The following GRM3 variants were observed in gnomAD, a reference collection of about 807,000 sequenced individuals.
The protein encoded by GRM3 is glutamate metabotropic receptor 3, also known as metabotropic glutamate receptor 3.
A neutral mutation model predicts 70.5 loss-of-function variants in GRM3; 26 were observed. The observed-to-expected ratio is 0.37, with a 90% CI of 0.27 to 0.51. The LOEUF (loss-of-function observed/expected upper bound fraction) is 0.51. Ranked by LOEUF, GRM3 falls within the 20% of genes least tolerant of loss-of-function variation. The pLI, the probability that GRM3 is intolerant of heterozygous loss-of-function variation, is 0.93. For missense variants in GRM3, 859 were observed against 1,123.8 expected (o/e 0.76, Z 3.37); for synonymous variants, 443 against 434.9 (o/e 1.02, Z -0.23).
chr7:86,746,324 A>T (rs1796100304), intron 1 of GRM3, among the ~76,000 whole-genome samples: 1 of 116,320 alleles, frequency 8.6e-6, no homozygotes, highest in Admixed American at 9.1e-5. Flanking sequence ...TATGACTAAT[A>T]GAGGGTCAGT....
At chr7:86,769,735 T>C (rs553517493) in intron 2 of GRM3, among the ~76,000 whole-genome samples, 1 of 152,290 alleles carries the variant, frequency 6.6e-6, no homozygotes, top group Non-Finnish European at 1.5e-5. Context: ...TGGATAATTA[T>C]TTTCCCAATG....
At chr7:86,863,600 G>T (rs575045081) in intron 5 of GRM3, among the ~76,000 whole-genome samples, 1 of 152,140 alleles carries the variant, frequency 6.6e-6, no homozygotes, top group Non-Finnish European at 1.5e-5. Context: ...TTTTACTGAG[G>T]TTATCCACTT....
rs188388863 is a variant in GRM3 at position 86,766,912 on chromosome 7, T to G, written c.468+1299T>G. 2.8e-3 allele frequency among the ~76,000 whole-genome samples: 424 copies of G among 152,252 alleles called. 1 individual carries two copies. The highest frequency in any genetic ancestry group is 0.014 in the Middle Eastern group (4 of 294). On this transcript the variant is annotated intron_variant, in intron 2 of 5. Transcript: ENST00000361669. ...TTTCTCTATCTCACATTTGTGGCAC[T>G]TAAAATTCTAGGTATAGGCCAGGTG...
At chr7:86,771,735 T>G (rs565657423) in intron 2 of GRM3, among the ~76,000 whole-genome samples, 37 of 152,164 alleles carry the variant, frequency 2.4e-4, no homozygotes, top group African/African-American at 8.4e-4. Context: ...TGAGTATCAA[T>G]TGGCAACATA....
chr7:86,674,102 G>A (rs1794243507), intron 1 of GRM3, among the ~76,000 whole-genome samples: 1 of 152,056 alleles, frequency 6.6e-6, no homozygotes. Flanking sequence ...TCTTCCTCAT[G>A]GTTTCTAATG....
intron 1 of GRM3, among the ~76,000 whole-genome samples, chr7:86,711,359 T>A (rs193098303): frequency 9.2e-4 from 140 of 152,194 alleles, no homozygotes; most frequent in African/African-American, 3.3e-3. Context: ...TATGTATGCA[T>A]ATATTAGGCC....
At chr7:86,827,375 A>T (rs920930537) in intron 3 of GRM3, among the ~76,000 whole-genome samples, 4 of 152,234 alleles carry the variant, frequency 2.6e-5, no homozygotes, top group African/African-American at 9.6e-5. Context: ...TAAAGACTGT[A>T]CTGGGCATTA....
At position 86,655,853 on chromosome 7, in the gene GRM3, G is replaced by GTGTGTGTGTGT. The variant is rs1562814701; in HGVS notation, c.-141+10981_-141+10982insTGTGTGTGTGT. Among the ~76,000 whole-genome samples the GTGTGTGTGTGT allele has an allele frequency of 7.9e-4, 106 of 134,724 alleles. No individual in the cohort carries two copies. In the East Asian group the frequency reaches 8.1e-3, roughly 10 times the overall value. 88.4% of individuals were successfully genotyped at this position (134,724 alleles called of 152,430 possible). A position where few individuals can be genotyped will look rare whatever the true frequency, so the allele number is the denominator to read the frequency against. ...GTGTGTGTGTGTGTGTGTGTGTGTG[G>GTGTGTGTGTGT]GTGGGTGGGTGTGTGTGTATGTGTG... On this transcript the variant is annotated intron_variant, in intron 1 of 5. Transcript: ENST00000361669.
chr7:86,772,922 T>C (rs774180804), intron 2 of GRM3, among the ~76,000 whole-genome samples: 1 of 152,158 alleles, frequency 6.6e-6, no homozygotes, highest in African/African-American at 2.4e-5. Context: ...ATTAAAACTC[T>C]GTGCAGACTG....
chr7:86,831,839 C>T (rs1798359650), intron 3 of GRM3, among the ~76,000 whole-genome samples: 1 of 132,326 alleles, frequency 7.6e-6, no homozygotes, highest in Non-Finnish European at 1.6e-5. Context: ...TTTTCTCAAA[C>T]ATTCACTTTC....
chr7:86,685,593 T>C (rs1370622809), intron 1 of GRM3, among the ~76,000 whole-genome samples: 1 of 152,072 alleles, frequency 6.6e-6, no homozygotes, highest in Non-Finnish European at 1.5e-5. Flanking sequence ...TTCTCCTTTC[T>C]CAGTTTCCTT....
chr7:86,765,463 G>T lies in GRM3; in HGVS notation c.318G>T (p.Leu106Phe). 6.2e-7 allele frequency: 1 copy of T among 1,613,910 alleles called. No homozygotes were observed. The highest frequency in any genetic ancestry group is 8.5e-7 in the Non-Finnish European group (1 of 1,179,874). The change falls in exon 2 of 6, where the codon TTG (leucine) becomes TTT (phenylalanine). Residue 106 changes from leucine (L) to phenylalanine (F), a missense_variant. By Grantham distance (22) the Leu-to-Phe change is conservative. Coordinates refer to ENST00000361669, the MANE Select transcript of GRM3 (RefSeq NM_000840.3). ...CATGTTCAAGGGATACCTATGCATTGGAGCAATCACTGGAGTTTGTCAGGG... is the reference window on the plus strand; with the variant it reads ...CATGTTCAAGGGATACCTATGCATTTGAGCAATCACTGGAGTTTGTCAGGG... ...LDTCSRDTYALEQSLEFVRAS... is the reference protein window; with the variant it reads ...LDTCSRDTYAFEQSLEFVRAS...
At chr7:86,740,701 A>T (rs888543080) in intron 1 of GRM3, among the ~76,000 whole-genome samples, 1 of 152,220 alleles carries the variant, frequency 6.6e-6, no homozygotes, top group Non-Finnish European at 1.5e-5. Flanking sequence ...AGACCCTCTT[A>T]AAAATTCTCG....
At chr7:86,651,116 C>T (rs1248471022) in intron 1 of GRM3, among the ~76,000 whole-genome samples, 3 of 152,196 alleles carry the variant, frequency 2.0e-5, no homozygotes, top group African/African-American at 7.2e-5. Context: ...GGAAAACCCA[C>T]ATCTCATTAT....
intron 1 of GRM3, among the ~76,000 whole-genome samples, chr7:86,731,701 G>T (rs1470496688): frequency 6.6e-6 from 1 of 152,166 alleles, no homozygotes; most frequent in Non-Finnish European, 1.5e-5. Context: ...ACAGCATCAT[G>T]TATGCTAGAA....
chr7:86,743,590 A>C (rs1256898351), intron 1 of GRM3, among the ~76,000 whole-genome samples: 3 of 152,162 alleles, frequency 2.0e-5, no homozygotes, highest in Non-Finnish European at 4.4e-5. Context: ...GACCAGGGGA[A>C]AATTGTGAGA....
chr7:86,758,877 T>A (rs1796412990), intron 1 of GRM3, among the ~76,000 whole-genome samples: 1 of 152,152 alleles, frequency 6.6e-6, no homozygotes, highest in Admixed American at 6.6e-5. Flanking sequence ...AGCTCCAATA[T>A]GCCGACTGGC....
At chr7:86,841,008 G>C (rs1798548730) in intron 4 of GRM3, among the ~76,000 whole-genome samples, 1 of 152,028 alleles carries the variant, frequency 6.6e-6, no homozygotes, top group Non-Finnish European at 1.5e-5. Flanking sequence ...ATCACTGAGG[G>C]TCAATTTCTA....
At chr7:86,737,262 TG>T (rs1369402295) in intron 1 of GRM3, among the ~76,000 whole-genome samples, 1 of 152,224 alleles carries the variant, frequency 6.6e-6, no homozygotes, top group Non-Finnish European at 1.5e-5. Context: ...ACCCAGTGCT[TG>T]CACTTCACAT....
Sources: gnomAD v4.1 joint callset for allele counts (sites outside exome capture counted in the v4.1 genomes callset) on GRCh38, gnomAD v4.1.1 for gene constraint, MANE v1.5 for transcripts, NCBI Gene and HGNC (gene_info 2026-07-23, HGNC 2026-07-21) for gene names.